RYK: variants seen among roughly 807,000 people sequenced by gnomAD.
RYK encodes the protein inactive tyrosine-protein kinase RYK.
RYK carries 21 observed loss-of-function variants against 70.2 expected under a neutral mutation model. The observed-to-expected ratio is 0.30, with a 90% confidence interval of 0.21 to 0.43. The LOEUF is 0.43. Among genes scored for constraint, RYK ranks in the 20% least tolerant of loss-of-function variants. The pLI is 1.00. For missense variants in RYK, 604 were observed against 753.3 expected (o/e 0.80, Z 2.32); for synonymous variants, 267 against 278.0 (o/e 0.96, Z 0.39).
At chr3:134,164,499 A>T (rs934492170) in intron 13 of RYK, among the ~76,000 whole-genome samples, 2 of 152,206 alleles carry the variant, frequency 1.3e-5, no homozygotes, top group Non-Finnish European at 2.9e-5. Flanking sequence ...AATTATATAA[A>T]TAGAATTATT....
chr3:134,213,514 C>A (rs1401892200), intron 2 of RYK, among the ~76,000 whole-genome samples: 1 of 150,502 alleles, frequency 6.6e-6, no homozygotes, highest in Non-Finnish European at 1.5e-5. Flanking sequence ...GACACAAACC[C>A]TCCTGGGTCT....
chr3:134,165,560 G>C (rs2012635774), intron 13 of RYK, among the ~76,000 whole-genome samples: 1 of 152,210 alleles, frequency 6.6e-6, no homozygotes, highest in Admixed American at 6.5e-5. Context: ...TGCCTCTTTA[G>C]GTCTGGTGTG....
intron 8 of RYK, among the ~76,000 whole-genome samples, chr3:134,189,871 C>T (rs796620522): frequency 3.3e-5 from 5 of 152,072 alleles, no homozygotes; most frequent in African/African-American, 1.2e-4. Context: ...TTTGTAATTG[C>T]CCATAGAAAA....
At position 134,222,461 on chromosome 3, in the gene RYK, C is replaced by G; in HGVS notation, c.311G>C (p.Ser104Thr). ...YALSFSLLVP[S>T]ETNFLHFTWH... Reference sequence around the variant, plus strand: ...GGTGAAGTGCAGGAAATTTGTCTCACTGGGTACTAACAGACTAAAGGATAG... The same window carrying G: ...GGTGAAGTGCAGGAAATTTGTCTCAGTGGGTACTAACAGACTAAAGGATAG... The change falls in exon 2 of 15, where the codon AGT becomes ACT. Residue 104 changes from serine to threonine, a missense_variant. This residue lies in a region of RYK where 466 missense variants were observed against 535.9 expected (regional missense o/e 0.87). Coordinates refer to ENST00000623711, the MANE Select transcript of RYK (RefSeq NM_002958.4). 1 of 1,613,520 alleles carries G rather than the reference C, an allele frequency of 6.2e-7. No individual in the cohort carries two copies. Among genetic ancestry groups the G allele is most frequent in the Middle Eastern group, 1.7e-4 (1 of 5,890 alleles).
chr3:134,168,594 G>A (rs917749746), intron 13 of RYK, among the ~76,000 whole-genome samples: 1 of 128,030 alleles, frequency 7.8e-6, no homozygotes, highest in Non-Finnish European at 1.7e-5. Context: ...ACACAGGAAG[G>A]GGAACATCAC....
intron 13 of RYK, among the ~76,000 whole-genome samples, chr3:134,173,990 T>G (rs1560002632): frequency 6.6e-6 from 1 of 152,198 alleles, no homozygotes; most frequent in Non-Finnish European, 1.5e-5. Context: ...TGACAAAACG[T>G]GATTAAGGAT....
At chr3:134,206,501 T>C (rs1485466409) in intron 5 of RYK, among the ~76,000 whole-genome samples, 1 of 152,208 alleles carries the variant, frequency 6.6e-6, no homozygotes, top group East Asian at 1.9e-4. Context: ...CATTTGGATC[T>C]TGATTCAGGA....
At chr3:134,168,110 G>A (rs2012751459) in intron 13 of RYK, among the ~76,000 whole-genome samples, 1 of 152,156 alleles carries the variant, frequency 6.6e-6, no homozygotes, top group African/African-American at 2.4e-5. Flanking sequence ...TCATTAAAAA[G>A]TCAGGAAACA....
chr3:134,165,660 T>C (rs2012640904), intron 13 of RYK, among the ~76,000 whole-genome samples: 1 of 152,230 alleles, frequency 6.6e-6, no homozygotes, highest in Admixed American at 6.5e-5. Flanking sequence ...TGAGAGATGA[T>C]GTTCCCACCC....
intron 9 of RYK, among the ~76,000 whole-genome samples, chr3:134,183,955 T>C (rs568275253): frequency 3.3e-5 from 5 of 152,350 alleles, no homozygotes; most frequent in Admixed American, 2.0e-4. Context: ...TATTAAGGAA[T>C]TGTTTACATA....
chr3:134,193,662 A>T (rs1319852727), intron 7 of RYK, among the ~76,000 whole-genome samples: 2 of 152,180 alleles, frequency 1.3e-5, no homozygotes, highest in Admixed American at 1.3e-4. Flanking sequence ...CGTATTTCCT[A>T]AAAAGCATAT....
At chr3:134,185,650 A>G (rs2013437820) in intron 9 of RYK, among the ~76,000 whole-genome samples, 1 of 152,214 alleles carries the variant, frequency 6.6e-6, no homozygotes, top group South Asian at 2.1e-4. Context: ...TATAACCTAA[A>G]TAATTTCTAA....
intron 1 of RYK, among the ~76,000 whole-genome samples, chr3:134,235,910 GAGTGACTGAGAAGGA>G (rs2107692781): frequency 6.6e-6 from 1 of 152,218 alleles, no homozygotes; most frequent in East Asian, 1.9e-4. Flanking sequence ...CAATAGAAGG[GAGTGACTGAGAAGGA>G]AGGTAGGTGT....
At chr3:134,227,712 G>A (rs1193129688) in intron 1 of RYK, among the ~76,000 whole-genome samples, 2 of 151,572 alleles carry the variant, frequency 1.3e-5, no homozygotes, top group South Asian at 2.1e-4. Context: ...CTCTGTCGCC[G>A]AGGCTGGAGT....
intron 1 of RYK, 88 bp from the exon 2 acceptor site, chr3:134,222,627 G>T: frequency 8.9e-7 from 1 of 1,123,136 alleles, no homozygotes; most frequent in Non-Finnish European, 1.3e-6. Flanking sequence ...ATAGAGTGAA[G>T]ATAATATTGA....
At chr3:134,189,909 G>C (rs1489018434) in intron 8 of RYK, among the ~76,000 whole-genome samples, 8 of 152,030 alleles carry the variant, frequency 5.3e-5, no homozygotes, top group Admixed American at 4.6e-4. Context: ...CACTGAAAAT[G>C]AATCTCATTT....
chr3:134,182,274 C>T (rs977752447), intron 10 of RYK, among the ~76,000 whole-genome samples: 7 of 152,106 alleles, frequency 4.6e-5, no homozygotes, highest in Non-Finnish European at 1.0e-4. Context: ...ATTCAGTGGA[C>T]TACTATGTAG....
intron 1 of RYK, among the ~76,000 whole-genome samples, chr3:134,226,452 T>C (rs772479543): frequency 6.6e-6 from 1 of 152,164 alleles, no homozygotes; most frequent in Non-Finnish European, 1.5e-5. Flanking sequence ...ACATAAACTC[T>C]ATCAGAAAAT....
At chr3:134,227,397 A>AT (rs897744059) in intron 1 of RYK, among the ~76,000 whole-genome samples, 3 of 151,780 alleles carry the variant, frequency 2.0e-5, no homozygotes, top group East Asian at 1.9e-4. Flanking sequence ...ATCTCAATAG[A>AT]TTTTTTTGAA....
Sources: allele counts gnomAD v4.1 joint callset (sites outside exome capture counted in the v4.1 genomes callset), GRCh38; gene constraint gnomAD v4.1.1; regional missense constraint gnomAD v4.1.1; transcripts MANE v1.5; gene names NCBI Gene and HGNC (gene_info 2026-07-23, HGNC 2026-07-21).